MSRA: variants seen among roughly 807,000 people sequenced by gnomAD.
MSRA encodes mitochondrial peptide methionine sulfoxide reductase.
In MSRA, 54 loss-of-function variants were observed where a neutral mutation model predicts 31.3. The observed-to-expected ratio is 1.73, with a 90% CI of 1.39 to 2.17. MSRA has a LOEUF of 2.17. Among genes scored for constraint, MSRA ranks in the 30% most tolerant of loss-of-function variants. The probability of loss-of-function intolerance (pLI) is 0.00; values close to 1 mark genes in which losing one functional copy is unlikely to be tolerated. For synonymous variants in MSRA, 169 were observed against 116.5 expected, an observed-to-expected ratio of 1.45 and a Z score of -2.90; for missense variants, 507 against 300.9, an observed-to-expected ratio of 1.69 and a Z score of -5.07.
At chr8:10,099,381 A>C (rs1799388274) in intron 1 of MSRA, among the ~76,000 whole-genome samples, 1 of 152,170 alleles carries the variant, frequency 6.6e-6, no homozygotes, top group African/African-American at 2.4e-5. Flanking sequence ...TGCCAGGCAA[A>C]AGATATAATT....
At chr8:10,080,067 T>C (rs1223557909) in intron 1 of MSRA, among the ~76,000 whole-genome samples, 1 of 152,196 alleles carries the variant, frequency 6.6e-6, no homozygotes, top group African/African-American at 2.4e-5. Flanking sequence ...CCACGCTTCT[T>C]TCTTGCATGG....
At chr8:10,341,774 C>T (rs376709756) in intron 5 of MSRA, among the ~76,000 whole-genome samples, 1 of 152,138 alleles carries the variant, frequency 6.6e-6, no homozygotes, top group Admixed American at 6.5e-5. Flanking sequence ...GCCAAGCTCC[C>T]GACTCGCAAT....
intron 5 of MSRA, among the ~76,000 whole-genome samples, chr8:10,408,059 A>G (rs6999282): frequency 0.92 from 139,421 of 152,146 alleles, 64,823 homozygotes; most frequent in East Asian, 1. Context: ...TTGTTTCAAG[A>G]GTAATCACGA....
chr8:10,379,756 C>T (rs188810800), intron 5 of MSRA, among the ~76,000 whole-genome samples: 212 of 152,298 alleles, frequency 1.4e-3, no homozygotes, highest in African/African-American at 4.8e-3. Flanking sequence ...CCTAGGGTAA[C>T]CCTCAGGGTT....
intron 5 of MSRA, among the ~76,000 whole-genome samples, chr8:10,399,743 C>A (rs114325713): frequency 6.6e-6 from 1 of 152,062 alleles, no homozygotes; most frequent in Non-Finnish European, 1.5e-5. Flanking sequence ...ATGGTGGTAG[C>A]GCTACATAGG....
intron 5 of MSRA, among the ~76,000 whole-genome samples, chr8:10,396,234 C>G (rs976815016): frequency 1.3e-5 from 2 of 152,208 alleles, no homozygotes; most frequent in Non-Finnish European, 2.9e-5. Context: ...GTTTCCTGCA[C>G]TCAGCCACTG....
At position 10,155,002 on chromosome 8, in the gene MSRA, T is replaced by TATATATATATATATA. The variant is rs1554468813; in HGVS notation, c.143-52831_143-52830insATATATATATATATA. 1.3e-4 allele frequency among the ~76,000 whole-genome samples: 16 copies of TATATATATATATATA among 123,982 alleles called. 2 individuals carry two copies. In the East Asian group the frequency reaches 2.8e-3, roughly 22 times the overall value. 81.3% of individuals were successfully genotyped at this position (123,982 alleles called of 152,430 possible). On this transcript the variant is annotated intron_variant, in intron 1 of 5. Transcript: ENST00000317173. ...AATAGTTTGATAATGTGTATATATT[T>TATATATATATATATA]TATATATATATAGGTTTTACCTTGC...
chr8:10,223,926 T>C lies in MSRA; in HGVS notation c.211+16025T>C, dbSNP rs117889530. Among the ~76,000 whole-genome samples, 1,098 of 152,292 alleles carry C rather than the reference T, an allele frequency of 7.2e-3. 9 individuals carry two copies. Among genetic ancestry groups the C allele is most frequent in the South Asian group, 0.041 (198 of 4,828 alleles). The stretch of plus-strand genomic sequence containing the variant: ...CAAATGGGTTTTGGTGACAGTGTGT[T>C]CAGATGGAATACTCACAGACTTGGA... On this transcript the variant is annotated intron_variant, in intron 2 of 5. Coordinates refer to ENST00000317173, the MANE Select transcript of MSRA (RefSeq NM_012331.5).
intron 5 of MSRA, among the ~76,000 whole-genome samples, chr8:10,325,164 T>G (rs1563352756): frequency 6.6e-6 from 1 of 152,184 alleles, no homozygotes; most frequent in Non-Finnish European, 1.5e-5. Context: ...GGAAGGCAGC[T>G]GACTGCAATG....
intron 2 of MSRA, among the ~76,000 whole-genome samples, chr8:10,219,806 CAAA>C (rs59393980): frequency 1.4e-3 from 82 of 57,114 alleles, no homozygotes; most frequent in Non-Finnish European, 2.1e-3. Flanking sequence ...ACTCTGTCTC[CAAA>C]AAAAAAAAAA....
At chr8:10,423,980 C>T (rs1475727678) in intron 5 of MSRA, among the ~76,000 whole-genome samples, 1 of 152,220 alleles carries the variant, frequency 6.6e-6, no homozygotes, top group African/African-American at 2.4e-5. Flanking sequence ...GAGACACAGA[C>T]AGTCCTGGGT....
intron 3 of MSRA, chr8:10,250,773 C>A: frequency 3.1e-6 from 1 of 324,872 alleles, no homozygotes; most frequent in Non-Finnish European, 5.6e-6. Flanking sequence ...GTCCTGAGCC[C>A]GTTTCCTCTC....
intron 3 of MSRA, among the ~76,000 whole-genome samples, chr8:10,290,568 C>A (rs1424081064): frequency 1.3e-5 from 2 of 152,178 alleles, no homozygotes; most frequent in Admixed American, 6.5e-5. Flanking sequence ...AATGCATATG[C>A]CAGGCCTGCC....
chr8:10,151,382 G>A (rs1374418004), intron 1 of MSRA, among the ~76,000 whole-genome samples: 1 of 152,090 alleles, frequency 6.6e-6, no homozygotes, highest in African/African-American at 2.4e-5. Context: ...GGTGGCTCAC[G>A]CCTGTCATCC....
intron 1 of MSRA, among the ~76,000 whole-genome samples, chr8:10,119,030 C>T (rs7843924): frequency 0.5 from 76,096 of 151,968 alleles, 20,092 homozygotes; most frequent in East Asian, 0.95. Flanking sequence ...GACCCCTCCC[C>T]GCCTTCCCTG....
chr8:10,065,993 A>G (rs1797435976), intron 1 of MSRA, among the ~76,000 whole-genome samples: 1 of 148,744 alleles, frequency 6.7e-6, no homozygotes, highest in African/African-American at 2.4e-5. Context: ...AAAATATATA[A>G]AATAATTATT....
intron 1 of MSRA, among the ~76,000 whole-genome samples, chr8:10,203,960 A>G (rs1808725006): frequency 1.3e-5 from 2 of 151,892 alleles, no homozygotes; most frequent in Admixed American, 1.3e-4. Context: ...AAATTTAAAA[A>G]GTAAAAAATG....
intron 5 of MSRA, chr8:10,337,546 A>G: frequency 1.7e-6 from 1 of 601,596 alleles, no homozygotes. Flanking sequence ...AAGCAGCATT[A>G]AGTCTGATAT....
intron 1 of MSRA, among the ~76,000 whole-genome samples, chr8:10,070,137 T>C (rs1189792499): frequency 6.6e-6 from 1 of 152,164 alleles, no homozygotes; most frequent in Non-Finnish European, 1.5e-5. Flanking sequence ...ATGAATACTT[T>C]GGGGAAAATA....
Sources: gnomAD v4.1 joint callset for allele counts (sites outside exome capture counted in the v4.1 genomes callset) on GRCh38, gnomAD v4.1.1 for gene constraint, MANE v1.5 for transcripts, NCBI Gene and HGNC (gene_info 2026-07-23, HGNC 2026-07-21) for gene names.